SLC71A2: variants seen among roughly 807,000 people sequenced by gnomAD.
SLC71A2 encodes solute carrier family 71 member 2.
the SLC71A2 span, among the ~76,000 whole-genome samples, chr9:94,377,887 A>G: frequency 6.6e-6 from 1 of 152,118 alleles, no homozygotes; most frequent in Non-Finnish European, 1.5e-5. Flanking sequence ...TGGGCGGATC[A>G]CAAGGTCAAG....
At chr9:94,439,966 T>C in the SLC71A2 span, among the ~76,000 whole-genome samples, 1 of 152,162 alleles carries the variant, frequency 6.6e-6, no homozygotes, top group Admixed American at 6.5e-5. Context: ...TAAATCAAAG[T>C]GAAGATTTTG....
the SLC71A2 span, among the ~76,000 whole-genome samples, chr9:94,399,178 G>C: frequency 1.8e-3 from 279 of 152,166 alleles, no homozygotes; most frequent in African/African-American, 6.4e-3. Context: ...AGTTGTTTTG[G>C]GGGCCTGAGT....
the SLC71A2 span, among the ~76,000 whole-genome samples, chr9:94,381,971 T>C: frequency 6.6e-6 from 1 of 152,052 alleles, no homozygotes; most frequent in South Asian, 2.1e-4. Context: ...TGTCTCATTG[T>C]TCTTTTAATT....
the SLC71A2 span, chr9:94,432,908 T>C: frequency 4.3e-5 from 17 of 393,644 alleles, no homozygotes; most frequent in Non-Finnish European, 7.7e-5. Flanking sequence ...AAGAGGATGC[T>C]CATACATCTT....
chr9:94,413,160 T>A, the SLC71A2 span, among the ~76,000 whole-genome samples: 2 of 151,622 alleles, frequency 1.3e-5, no homozygotes, highest in African/African-American at 4.8e-5. Context: ...TCTTGGGAAC[T>A]GACTTAGATT....
the SLC71A2 span, among the ~76,000 whole-genome samples, chr9:94,444,720 ATAGTTTATGAACACATTCTTAAATC>A: frequency 6.6e-6 from 1 of 152,210 alleles, no homozygotes; most frequent in Non-Finnish European, 1.5e-5. Context: ...TCTCCAGTTA[ATAGTTTATGAACACATTCTTAAATC>A]ACTTTAATTC....
chr9:94,418,095 T>A, the SLC71A2 span, among the ~76,000 whole-genome samples: 1 of 152,144 alleles, frequency 6.6e-6, no homozygotes, highest in African/African-American at 2.4e-5. Context: ...ACTCCTGACC[T>A]CCTGATCCGC....
the SLC71A2 span, among the ~76,000 whole-genome samples, chr9:94,376,540 T>G: frequency 6.6e-6 from 1 of 151,016 alleles, no homozygotes; most frequent in African/African-American, 2.4e-5. Context: ...AAAAATAAAT[T>G]GGCAGGTTGA....
At chr9:94,446,604 T>A in the SLC71A2 span, among the ~76,000 whole-genome samples, 1 of 152,188 alleles carries the variant, frequency 6.6e-6, no homozygotes, top group African/African-American at 2.4e-5. Context: ...GTGGGTTTAT[T>A]TTTTTGCTTT....
chr9:94,397,487 GAAA>G, the SLC71A2 span, among the ~76,000 whole-genome samples: 6 of 146,014 alleles, frequency 4.1e-5, no homozygotes, highest in Middle Eastern at 3.5e-3. Flanking sequence ...AGAGTGTTTG[GAAA>G]AAAAAAAAGG....
chr9:94,411,237 T>TC, the SLC71A2 span, among the ~76,000 whole-genome samples: 6 of 148,184 alleles, frequency 4.0e-5, no homozygotes, highest in Admixed American at 4.1e-4. Flanking sequence ...CTCCCCATAT[T>TC]CATCACCCTA....
the SLC71A2 span, chr9:94,459,445 T>C: frequency 6.2e-7 from 1 of 1,609,916 alleles, no homozygotes; most frequent in Non-Finnish European, 8.5e-7. Context: ...GCATACGCCA[T>C]CTCTGAGAGC....
the SLC71A2 span, among the ~76,000 whole-genome samples, chr9:94,379,902 C>T: frequency 1.3e-5 from 2 of 152,136 alleles, no homozygotes; most frequent in African/African-American, 4.8e-5. Flanking sequence ...TTAATTTTTT[C>T]TTACTGTTAG....
the SLC71A2 span, among the ~76,000 whole-genome samples, chr9:94,423,076 A>G: frequency 6.7e-6 from 1 of 150,116 alleles, no homozygotes; most frequent in Non-Finnish European, 1.5e-5. Flanking sequence ...AGTTTGGAAT[A>G]CAGGCGCGTG....
chr9:94,374,714 G>A, the SLC71A2 span: 1 of 158,520 alleles, frequency 6.3e-6, no homozygotes, highest in African/African-American at 2.4e-5. Context: ...CTGACCCGCA[G>A]GCCGCCGCGG....
chr9:94,436,348 G>C, the SLC71A2 span, among the ~76,000 whole-genome samples: 1 of 152,038 alleles, frequency 6.6e-6, no homozygotes, highest in African/African-American at 2.4e-5. Flanking sequence ...CAGTCTACTG[G>C]GGTTACTTAA....
At chr9:94,444,397 T>G in the SLC71A2 span, among the ~76,000 whole-genome samples, 18 of 151,586 alleles carry the variant, frequency 1.2e-4, no homozygotes, top group African/African-American at 4.2e-4. Flanking sequence ...ACAAATTCTT[T>G]GTTGTTGTTA....
the SLC71A2 span, among the ~76,000 whole-genome samples, chr9:94,390,820 T>C: frequency 6.6e-4 from 100 of 152,228 alleles, no homozygotes; most frequent in South Asian, 1.0e-3. Context: ...GCAAGGCTGG[T>C]TGATGAAGAG....
At chr9:94,374,986 C>T in the SLC71A2 span, 17 of 1,181,264 alleles carry the variant, frequency 1.4e-5, no homozygotes, top group South Asian at 5.0e-4. Flanking sequence ...TGGGGTCGCA[C>T]CCAGGGCCCG....
Sources: allele counts gnomAD v4.1 joint callset (sites outside exome capture counted in the v4.1 genomes callset), GRCh38; gene constraint gnomAD v4.1.1; transcripts MANE v1.5; gene names NCBI Gene and HGNC (gene_info 2026-07-23, HGNC 2026-07-21).